Variants in ALDH6A1 observed in about 807,000 individuals in gnomAD.
ALDH6A1 encodes aldehyde dehydrogenase 6 family member A1, also known as methylmalonate-semialdehyde/malonate-semialdehyde dehydrogenase [acylating], mitochondrial.
In ALDH6A1, 43 loss-of-function variants were observed where a neutral mutation model predicts 62.6. The observed-to-expected ratio is 0.69, with a 90% confidence interval of 0.54 to 0.89. The LOEUF (loss-of-function observed/expected upper bound fraction) is 0.89. Among genes scored for constraint, ALDH6A1 ranks in the 40% least tolerant of loss-of-function variants. The pLI is 0.00. For synonymous variants in ALDH6A1, 194 were observed against 234.2 expected (o/e 0.83, Z 1.57); for missense variants, 551 against 661.3 (o/e 0.83, Z 1.83).
In ALDH6A1 at chr14:74,058,031, A is replaced by T; in HGVS notation, c.*2611T>A. The stretch of plus-strand genomic sequence containing the variant: ...CAGCCTATAGTTGTTGGATTGGATT[A>T]AATATCACTACCAGGGCCAGGTGCG... On this transcript the variant is annotated 3_prime_UTR_variant, in exon 12 of 12. Transcript: ENST00000553458. 3.6e-6 allele frequency: 2 copies of T among 547,948 alleles called. No individual in the cohort carries two copies. Among genetic ancestry groups the T allele is most frequent in the South Asian group, 1.5e-4 (2 of 12,960 alleles). 33.9% of individuals were successfully genotyped at this position (547,948 alleles called of 1,614,324 possible).
At position 74,071,311 on chromosome 14, in the gene ALDH6A1, G is replaced by A. The variant is rs773010007; in HGVS notation, c.614C>T (p.Thr205Ile). The A allele has an allele frequency of 6.2e-7, 1 of 1,614,170 alleles. No homozygotes were observed. Among genetic ancestry groups the A allele is most frequent in the Admixed American group, 1.7e-5 (1 of 60,016 alleles). Residue 205 changes from threonine (T) to isoleucine (I), a missense_variant, in exon 6 of 12, where the codon ACC becomes ATC. Coordinates refer to ENST00000553458, the MANE Select transcript of ALDH6A1 (RefSeq NM_005589.4). ...MFPMAMVCGN[T>I]FLMKPSERVP... ...TCGCTCAGATGGTTTCATTAGGAAG[G>A]TATTTCCACACACCATGGCCATGGG...
Position 74,060,577 on chromosome 14 carries a change from A to T in ALDH6A1, c.*65T>A, listed in dbSNP as rs1168870767. The T allele has an allele frequency of 1.7e-6, 2 of 1,174,272 alleles. No individual in the cohort carries two copies. Among genetic ancestry groups the T allele is most frequent in the African/African-American group, 3.0e-5 (2 of 66,346 alleles). The allele number at this position is 1,174,272 out of a possible 1,614,324, so 72.7% of individuals were successfully genotyped here. On this transcript the variant is annotated 3_prime_UTR_variant, in exon 12 of 12. Transcript: ENST00000553458. ...CGATCTGATCTGAGCAAAGCTGACA[A>T]ATGAAGCTGGTCAAAAATAAAGGGA...
intron 11 of ALDH6A1, 117 bp from the exon 12 acceptor site, chr14:74,060,863 A>C: frequency 1.3e-6 from 1 of 740,836 alleles, no homozygotes; most frequent in Non-Finnish European, 2.4e-6. Context: ...TGAGAAATGC[A>C]ATCAGAATCC....
chr14:74,078,151 T>C (rs1016025671), intron 1 of ALDH6A1: 1 of 453,624 alleles, frequency 2.2e-6, no homozygotes, highest in African/African-American at 2.0e-5. Flanking sequence ...ATTCTACTAA[T>C]TCCTCTTGTA....
At chr14:74,065,012 A>C in intron 10 of ALDH6A1, 92 bp from the exon 11 acceptor site, 1 of 1,380,720 alleles carries the variant, frequency 7.2e-7, no homozygotes, top group South Asian at 1.2e-5. Context: ...TTAAATACCC[A>C]CCTTCTACCC....
chr14:74,064,264 C>T (rs996647305), intron 11 of ALDH6A1, among the ~76,000 whole-genome samples: 18 of 149,680 alleles, frequency 1.2e-4, no homozygotes, highest in African/African-American at 3.9e-4. Flanking sequence ...TGCCACAGCA[C>T]TCCAGCCTGG....
At chr14:74,082,562 G>C (rs1465049124) in intron 1 of ALDH6A1, among the ~76,000 whole-genome samples, 1 of 151,858 alleles carries the variant, frequency 6.6e-6, no homozygotes, top group Admixed American at 6.6e-5. Context: ...ACCACACCCG[G>C]CTAATTTTTG....
chr14:74,075,669 C>T (rs938608429), intron 1 of ALDH6A1, among the ~76,000 whole-genome samples: 2 of 151,100 alleles, frequency 1.3e-5, no homozygotes, highest in African/African-American at 4.9e-5. Flanking sequence ...AAAAAAAAAT[C>T]AATGTAAATA....
chr14:74,059,364 G>A lies in ALDH6A1; in HGVS notation c.*1278C>T. The A allele has an allele frequency of 2.2e-6, 1 of 456,132 alleles. No individual in the cohort carries two copies. The highest frequency in any genetic ancestry group is 1.6e-5 in the South Asian group (1 of 64,490). 28.3% of individuals were successfully genotyped at this position (456,132 alleles called of 1,614,324 possible). On this transcript the variant is annotated 3_prime_UTR_variant, in exon 12 of 12. Transcript: ENST00000553458. ...ATGGTTGGAACAATCCTTGATTTCT[G>A]GGCCTAAAATAACTTTTGAAATAAT...
intron 1 of ALDH6A1, chr14:74,082,655 C>A (rs959756871): frequency 2.6e-5 from 4 of 152,168 alleles, no homozygotes; most frequent in African/African-American, 9.7e-5. Context: ...CCACCTTGGC[C>A]TCCCAAAGTG....
chr14:74,084,260 G>A (rs1156837976), intron 1 of ALDH6A1, 87 bp downstream of exon 1: 1 of 1,594,662 alleles, frequency 6.3e-7, no homozygotes, highest in African/African-American at 1.3e-5. Context: ...GGGCCAAGAA[G>A]GTGGTCCCGC....
Position 74,072,217 on chromosome 14 carries a change from T to G in ALDH6A1, c.334A>C (p.Ile112Leu). The G allele has an allele frequency of 6.2e-7, 1 of 1,614,212 alleles. No homozygotes were observed. Among genetic ancestry groups the G allele is most frequent in the African/African-American group, 1.3e-5 (1 of 75,060 alleles). The change falls in exon 4 of 12, where the codon ATT (isoleucine) becomes CTT (leucine). Residue 112 changes from isoleucine to leucine, a missense_variant. Physicochemically the swap from Ile to Leu is conservative, Grantham distance 5 (BLOSUM62 2). Coordinates refer to ENST00000553458, the MANE Select transcript of ALDH6A1 (RefSeq NM_005589.4). ...QQVLLRYQQLIKENLKEIAKL... is the reference protein window; with the variant it reads ...QQVLLRYQQLLKENLKEIAKL... ...AGATTTCATACCAAGTTTTCTTTAA[T>G]AAGTTGTTGATAGCGGAGCAAGACC...
chr14:74,078,221 ACTT>A (rs1455111469), intron 1 of ALDH6A1: 1 of 456,070 alleles, frequency 2.2e-6, no homozygotes, highest in Non-Finnish European at 4.4e-6. Context: ...TCAGATGAGA[ACTT>A]CTCAACTTCC....
chr14:74,057,868 C>T lies in ALDH6A1; in HGVS notation c.*2774G>A. ...AAATAGTTGGCCAGATGAGTTGTTT[C>T]TAATTAGAGCATCACAGTTCTGATT... On this transcript the variant is annotated 3_prime_UTR_variant, in exon 12 of 12. Transcript: ENST00000553458. The T allele has an allele frequency of 2.9e-6, 3 of 1,033,550 alleles. No homozygotes were observed. The highest frequency in any genetic ancestry group is 6.8e-5 in the South Asian group (2 of 29,378). 64.0% of individuals were successfully genotyped at this position (1,033,550 alleles called of 1,614,324 possible). A position where few individuals can be genotyped will look rare whatever the true frequency, so the allele number is the denominator to read the frequency against.
Position 74,060,684 on chromosome 14 carries a change from AG to A in ALDH6A1, c.1565del (p.Thr522IlefsTer20). 1.2e-6 allele frequency: 2 copies of A among 1,614,056 alleles called. No homozygotes were observed. Among genetic ancestry groups the A allele is most frequent in the Non-Finnish European group, 1.7e-6 (2 of 1,179,908 alleles). On this transcript the variant is annotated frameshift_variant, in exon 12 of 12. Coordinates refer to ENST00000553458, the MANE Select transcript of ALDH6A1 (RefSeq NM_005589.4). LOFTEE classifies it high-confidence loss of function. ...ITSQWKEEDA[T>X]LSSPAVVMPT... ...GCATGACAACAGCAGGTGAGGAAAGAGTAGCATCTTCTTCTTTCCACTGAGA... is the reference window on the plus strand; with the variant it reads ...GCATGACAACAGCAGGTGAGGAAAGATAGCATCTTCTTCTTTCCACTGAGA...
At chr14:74,069,035 T>C (rs2060511747) in intron 6 of ALDH6A1, 54 bp from the exon 7 acceptor site, 14 of 1,596,782 alleles carry the variant, frequency 8.8e-6, no homozygotes, top group South Asian at 7.7e-5. Context: ...ATTCTCAACA[T>C]GGCAAATTTC....
intron 10 of ALDH6A1, 44 bp downstream of exon 10, chr14:74,065,137 T>C: frequency 8.1e-6 from 13 of 1,596,468 alleles, no homozygotes; most frequent in Non-Finnish European, 1.0e-5. Context: ...TCTTAGGAAA[T>C]AGTAAATGGA....
intron 1 of ALDH6A1, among the ~76,000 whole-genome samples, chr14:74,080,133 T>C (rs1018595168): frequency 6.6e-6 from 1 of 152,156 alleles, no homozygotes; most frequent in Non-Finnish European, 1.5e-5. Flanking sequence ...TCTCGGTAAA[T>C]AGGGCTACTC....
intron 4 of ALDH6A1, 114 bp from the exon 5 acceptor site, chr14:74,072,088 G>A (rs1322049624): frequency 1.5e-5 from 24 of 1,569,266 alleles, no homozygotes; most frequent in Non-Finnish European, 2.6e-6. Context: ...AGAGAGTCAT[G>A]ATCAACGTCT....
Sources: allele counts gnomAD v4.1 joint callset (sites outside exome capture counted in the v4.1 genomes callset), GRCh38; gene constraint gnomAD v4.1.1; transcripts MANE v1.5; gene names NCBI Gene and HGNC (gene_info 2026-07-23, HGNC 2026-07-21).